Variants in GPRIN3 observed in about 807,000 individuals in gnomAD.
The protein encoded by GPRIN3 is GPRIN family member 3, also known as G protein-regulated inducer of neurite outgrowth 3.
A neutral mutation model predicts 13.7 loss-of-function variants in GPRIN3; 12 were observed. The observed-to-expected ratio is 0.87, with a 90% CI of 0.56 to 1.42. The LOEUF is 1.42. Among genes scored for constraint, GPRIN3 ranks in the 40% most tolerant of loss-of-function variants. The probability of loss-of-function intolerance (pLI) is 0.00; values close to 1 mark genes in which losing one functional copy is unlikely to be tolerated. For missense variants in GPRIN3, 1,009 were observed against 958.7 expected, an observed-to-expected ratio of 1.05 and a Z score of -0.69; for synonymous variants, 377 against 372.7, an observed-to-expected ratio of 1.01 and a Z score of -0.13.
intron 1 of GPRIN3, among the ~76,000 whole-genome samples, chr4:89,279,656 CCTTAT>C (rs1724190749): frequency 6.6e-6 from 1 of 152,222 alleles, no homozygotes; most frequent in African/African-American, 2.4e-5. Flanking sequence ...ACGTTTCTCT[CCTTAT>C]CTTTGTTGCC....
Position 89,238,609 on chromosome 4 carries a change from C to T in GPRIN3, c.*9171G>A, listed in dbSNP as rs1248980845. 1 of 151,004 alleles carries T rather than the reference C, an allele frequency of 6.6e-6. No homozygotes were observed. Among genetic ancestry groups the T allele is most frequent in the Non-Finnish European group, 1.5e-5 (1 of 67,936 alleles). 9.4% of individuals were successfully genotyped at this position (151,004 alleles called of 1,614,324 possible). A position where few individuals can be genotyped will look rare whatever the true frequency, so the allele number is the denominator to read the frequency against. ...AACACACACACAACGCACAAACACACACACACTCTGCTCTACCAAGTACAG... is the reference window on the plus strand; with the variant it reads ...AACACACACACAACGCACAAACACATACACACTCTGCTCTACCAAGTACAG... On this transcript the variant is annotated 3_prime_UTR_variant, in exon 2 of 2. Transcript: ENST00000609438.
intron 1 of GPRIN3, among the ~76,000 whole-genome samples, chr4:89,252,001 C>A (rs1196184101): frequency 6.7e-6 from 1 of 149,766 alleles, no homozygotes; most frequent in African/African-American, 2.5e-5. Context: ...GAGACAGGGT[C>A]TTGCTCTGTC....
intron 1 of GPRIN3, among the ~76,000 whole-genome samples, chr4:89,265,367 T>C (rs1314273070): frequency 6.6e-6 from 1 of 152,212 alleles, no homozygotes; most frequent in African/African-American, 2.4e-5. Flanking sequence ...ACATCTTACT[T>C]GGGGACTTGT....
chr4:89,242,820 T>A lies in GPRIN3; in HGVS notation c.*4960A>T, dbSNP rs749459582. ...GTCTTAAAAAAACTTGCAAATAACA[T>A]CTTGTTGCACCATTCTGGCCACCAC... On this transcript the variant is annotated 3_prime_UTR_variant, in exon 2 of 2. Transcript: ENST00000609438. The A allele has an allele frequency of 5.9e-5, 9 of 152,182 alleles. No homozygotes were observed. The highest frequency in any genetic ancestry group is 1.0e-4 in the Non-Finnish European group (7 of 68,022). The allele number at this position is 152,182 out of a possible 1,614,324, so 9.4% of individuals were successfully genotyped here. A position where few individuals can be genotyped will look rare whatever the true frequency, so the allele number is the denominator to read the frequency against.
At chr4:89,283,567 A>G (rs1724315883) in intron 1 of GPRIN3, among the ~76,000 whole-genome samples, 2 of 152,196 alleles carry the variant, frequency 1.3e-5, no homozygotes, top group African/African-American at 4.8e-5. Context: ...AGGCAGAAAC[A>G]TAAAGGGAGA....
At chr4:89,284,461 T>C (rs56351347) in intron 1 of GPRIN3, among the ~76,000 whole-genome samples, 28,403 of 152,182 alleles carry the variant, frequency 0.19, 2,866 homozygotes, top group African/African-American at 0.23. Flanking sequence ...CTAAGGTTTG[T>C]AACACTTGCC....
chr4:89,295,644 C>A (rs1406648227), intron 1 of GPRIN3, among the ~76,000 whole-genome samples: 1 of 151,896 alleles, frequency 6.6e-6, no homozygotes, highest in Non-Finnish European at 1.5e-5. Context: ...AGAAAACAAG[C>A]AAGATTTAAA....
chr4:89,268,494 G>A (rs1723843057), intron 1 of GPRIN3, among the ~76,000 whole-genome samples: 1 of 152,118 alleles, frequency 6.6e-6, no homozygotes, highest in Non-Finnish European at 1.5e-5. Context: ...CTATGCCAAG[G>A]GTAGGCAAAG....
At chr4:89,277,692 T>C (rs1258372060) in intron 1 of GPRIN3, among the ~76,000 whole-genome samples, 1 of 152,242 alleles carries the variant, frequency 6.6e-6, no homozygotes, top group Non-Finnish European at 1.5e-5. Context: ...GCCCATTGTT[T>C]GACTCAGAAA....
intron 1 of GPRIN3, among the ~76,000 whole-genome samples, chr4:89,268,853 G>A (rs887835002): frequency 2.6e-5 from 4 of 151,448 alleles, no homozygotes; most frequent in African/African-American, 4.8e-5. Flanking sequence ...CTCTAAATTC[G>A]GCACTTTTCC....
chr4:89,249,776 G>A lies in GPRIN3; in HGVS notation c.335C>T (p.Ala112Val). 3 of 1,614,202 alleles carry A rather than the reference G, an allele frequency of 1.9e-6. No homozygotes were observed. The highest frequency in any genetic ancestry group is 1.1e-5 in the South Asian group (1 of 91,084). ...ATCCCTTCCTGCTGCAGAACTCGGGGCTGATGCTGCGGGCTGGCTGCTCCC... is the reference window on the plus strand; with the variant it reads ...ATCCCTTCCTGCTGCAGAACTCGGGACTGATGCTGCGGGCTGGCTGCTCCC... ...LPGSSQPAAS[A>V]PSSAAGRDLI... The change falls in exon 2 of 2, where the codon GCC becomes GTC. Residue 112 changes from alanine to valine, a missense_variant. Transcript: ENST00000609438.
intron 1 of GPRIN3, among the ~76,000 whole-genome samples, chr4:89,290,573 G>A (rs1724544066): frequency 6.6e-6 from 1 of 152,210 alleles, no homozygotes; most frequent in Non-Finnish European, 1.5e-5. Flanking sequence ...CCCTCAGCAG[G>A]AAGTGAGGAC....
intron 1 of GPRIN3, among the ~76,000 whole-genome samples, chr4:89,281,057 AG>A (rs58585742): frequency 4.6e-5 from 7 of 151,176 alleles, no homozygotes; most frequent in Non-Finnish European, 1.0e-4. Flanking sequence ...TGGAAGGTGA[AG>A]GGGGGGGATA....
intron 1 of GPRIN3, among the ~76,000 whole-genome samples, chr4:89,264,751 C>T (rs905812029): frequency 2.0e-5 from 3 of 152,218 alleles, no homozygotes; most frequent in Non-Finnish European, 4.4e-5. Flanking sequence ...TATTGTTAAA[C>T]TGCAAGTCCA....
chr4:89,250,156 C>A lies in GPRIN3; in HGVS notation c.-46G>T. The A allele has an allele frequency of 1.3e-6, 2 of 1,558,524 alleles. No homozygotes were observed. The highest frequency in any genetic ancestry group is 1.2e-5 in the South Asian group (1 of 81,904). Reference sequence around the variant, plus strand: ...CTCCAGAGCTCTCTTGAGTACTGGTCCCACTGGTGGGGGAGGGGAGCGCAG... The same window carrying A: ...CTCCAGAGCTCTCTTGAGTACTGGTACCACTGGTGGGGGAGGGGAGCGCAG... On this transcript the variant is annotated 5_prime_UTR_variant, in exon 2 of 2. Coordinates refer to ENST00000609438, the MANE Select transcript of GPRIN3 (RefSeq NM_198281.3).
At chr4:89,262,108 G>A (rs1304787164) in intron 1 of GPRIN3, among the ~76,000 whole-genome samples, 2 of 146,614 alleles carry the variant, frequency 1.4e-5, no homozygotes, top group African/African-American at 2.6e-5. Context: ...CCTAGATGAC[G>A]GAGTGAGACC....
At chr4:89,256,332 A>G (rs1036287841) in intron 1 of GPRIN3, among the ~76,000 whole-genome samples, 7 of 152,174 alleles carry the variant, frequency 4.6e-5, no homozygotes, top group Non-Finnish European at 5.9e-5. Context: ...AGTGACATTC[A>G]TAACTGGTCA....
At chr4:89,289,135 T>C (rs575769796) in intron 1 of GPRIN3, among the ~76,000 whole-genome samples, 104 of 150,408 alleles carry the variant, frequency 6.9e-4, no homozygotes, top group Non-Finnish European at 1.2e-3. Flanking sequence ...CTGTCCTTGA[T>C]AATCTCGTAT....
At chr4:89,255,998 G>A (rs1175328764) in intron 1 of GPRIN3, among the ~76,000 whole-genome samples, 1 of 152,062 alleles carries the variant, frequency 6.6e-6, no homozygotes, top group Non-Finnish European at 1.5e-5. Flanking sequence ...GCCTTGTTCT[G>A]GTAATACAGC....
Sources: gnomAD v4.1 joint callset for allele counts (sites outside exome capture counted in the v4.1 genomes callset) on GRCh38, gnomAD v4.1.1 for gene constraint, MANE v1.5 for transcripts, NCBI Gene and HGNC (gene_info 2026-07-23, HGNC 2026-07-21) for gene names.